The following TAOK1 variants were observed in gnomAD, a reference collection of about 807,000 sequenced individuals.
TAOK1 encodes the protein TAO kinase 1.
In TAOK1, 21 loss-of-function variants were observed where a neutral mutation model predicts 138.3. The observed-to-expected ratio is 0.15, with a 90% CI of 0.11 to 0.22. TAOK1 has a LOEUF of 0.22. Among genes scored for constraint, TAOK1 ranks in the 10% least tolerant of loss-of-function variants. The pLI, the probability that TAOK1 is intolerant of heterozygous loss-of-function variation, is 1.00. For synonymous variants in TAOK1, 361 were observed against 398.4 expected (o/e 0.91, Z 1.12); for missense variants, 651 against 1,227.7 (o/e 0.53, Z 7.02).
chr17:29,510,324 C>T (rs1598514655), intron 14 of TAOK1, among the ~76,000 whole-genome samples: 3 of 152,122 alleles, frequency 2.0e-5, no homozygotes, highest in African/African-American at 7.2e-5. Context: ...TTGCAGTGAG[C>T]CGAGCTCGTG....
At chr17:29,452,352 T>G (rs182316401) in intron 2 of TAOK1, among the ~76,000 whole-genome samples, 1 of 152,336 alleles carries the variant, frequency 6.6e-6, no homozygotes, top group East Asian at 1.9e-4. Context: ...TGCATTGCTA[T>G]AGAGTTAAAT....
In TAOK1 at chr17:29,491,777, A is replaced by C; in HGVS notation, c.750-7A>C. ...ATGTGTTCACTTGATACTTTCCTTTACAATAGGTCTGATTATTTTCGCAAC... is the reference window on the plus strand; with the variant it reads ...ATGTGTTCACTTGATACTTTCCTTTCCAATAGGTCTGATTATTTTCGCAAC... On this transcript the variant is annotated splice_polypyrimidine_tract_variant and splice_region_variant and intron_variant, in intron 9 of 19. Transcript: ENST00000261716. 1 of 1,607,412 alleles carries C rather than the reference A, an allele frequency of 6.2e-7. No individual in the cohort carries two copies. The highest frequency in any genetic ancestry group is 8.5e-7 in the Non-Finnish European group (1 of 1,174,150).
intron 3 of TAOK1, among the ~76,000 whole-genome samples, chr17:29,467,518 C>A (rs772435806): frequency 1.3e-5 from 2 of 152,140 alleles, no homozygotes; most frequent in Non-Finnish European, 2.9e-5. Context: ...GTGATCTGCC[C>A]GCCTTGGCCT....
chr17:29,477,643 T>G lies in TAOK1; in HGVS notation c.307-18T>G. On this transcript the variant is annotated intron_variant, in intron 4 of 19. Coordinates refer to ENST00000261716, the MANE Select transcript of TAOK1 (RefSeq NM_020791.4). ...TTATAATAATATATTTTAATGCTTT[T>G]ATAACTTTTCCATGTAGCTTGTAAT... The G allele has an allele frequency of 7.5e-7, 1 of 1,326,844 alleles. No individual in the cohort carries two copies. Among genetic ancestry groups the G allele is most frequent in the Non-Finnish European group, 9.8e-7 (1 of 1,018,674 alleles). The allele number at this position is 1,326,844 out of a possible 1,614,324, so 82.2% of individuals were successfully genotyped here. A position where few individuals can be genotyped will look rare whatever the true frequency, so the allele number is the denominator to read the frequency against.
At chr17:29,398,529 C>T (rs1406314712) in intron 1 of TAOK1, among the ~76,000 whole-genome samples, 1 of 146,134 alleles carries the variant, frequency 6.8e-6, no homozygotes, top group Non-Finnish European at 1.5e-5. Context: ...TTTCTTTTCT[C>T]TTTTCTTTTC....
At chr17:29,526,819 TAAAAAAAAAAAAA>T (rs71138830) in intron 17 of TAOK1, among the ~76,000 whole-genome samples, 4 of 50,946 alleles carry the variant, frequency 7.9e-5, no homozygotes, top group East Asian at 6.5e-4. Flanking sequence ...TCTCATCTCT[TAAAAAAAAAAAAA>T]AAAAAAAAAA....
chr17:29,433,573 T>C (rs1462138331), intron 1 of TAOK1, among the ~76,000 whole-genome samples: 1 of 151,330 alleles, frequency 6.6e-6, no homozygotes, highest in African/African-American at 2.4e-5. Flanking sequence ...GTTTAAAGGG[T>C]GAGTAAAGCA....
chr17:29,443,383 A>C (rs920604584), intron 1 of TAOK1, among the ~76,000 whole-genome samples: 1 of 152,252 alleles, frequency 6.6e-6, no homozygotes, highest in African/African-American at 2.4e-5. Flanking sequence ...ATGTTTTGCA[A>C]ATTTGGAACA....
intron 19 of TAOK1, among the ~76,000 whole-genome samples, chr17:29,535,553 A>C (rs1023979951): frequency 6.6e-5 from 10 of 152,150 alleles, no homozygotes; most frequent in Non-Finnish European, 1.3e-4. Flanking sequence ...ATGCCTTATT[A>C]AAGTAAAAAA....
chr17:29,525,874 G>A (rs921635580), intron 17 of TAOK1, among the ~76,000 whole-genome samples: 2 of 152,226 alleles, frequency 1.3e-5, no homozygotes, highest in Non-Finnish European at 2.9e-5. Flanking sequence ...GCACGTGCCT[G>A]TAGTCCCAGC....
chr17:29,424,706 T>C (rs1905579342), intron 1 of TAOK1: 1 of 152,198 alleles, frequency 6.6e-6, no homozygotes, highest in Non-Finnish European at 1.5e-5. Context: ...GTTTCTCTTT[T>C]TGCTGTTTAG....
Position 29,498,386 on chromosome 17 carries a change from C to T in TAOK1, c.1068C>T (p.Ser356=). 1 of 1,614,216 alleles carries T rather than the reference C, an allele frequency of 6.2e-7. No homozygotes were observed. The highest frequency in any genetic ancestry group is 8.5e-7 in the Non-Finnish European group (1 of 1,180,032). The change falls in exon 12 of 20, where the codon AGC becomes AGT. Residue 356 remains serine (S), a synonymous_variant. Coordinates refer to ENST00000261716, the MANE Select transcript of TAOK1 (RefSeq NM_020791.4). ...TTGGAAGTAATCAATCCATTCCCAGCATGTCCATCAGTGCCAGCAGCCAAA... is the reference window on the plus strand; with the variant it reads ...TTGGAAGTAATCAATCCATTCCCAGTATGTCCATCAGTGCCAGCAGCCAAA... ...NSVGSNQSIP[S]MSISASSQSS... is the part of the protein sequence containing the mutation.
chr17:29,464,098 G>C (rs932640469), intron 2 of TAOK1, among the ~76,000 whole-genome samples: 28 of 152,166 alleles, frequency 1.8e-4, no homozygotes, highest in Admixed American at 2.6e-4. Context: ...GTAAATTACT[G>C]CTTAGGTCTG....
chr17:29,538,882 CT>C (rs2032267668), intron 19 of TAOK1, among the ~76,000 whole-genome samples: 3 of 151,958 alleles, frequency 2.0e-5, no homozygotes, highest in South Asian at 4.1e-4. Flanking sequence ...TATAAATGAC[CT>C]TTTTTTAATC....
intron 1 of TAOK1, among the ~76,000 whole-genome samples, chr17:29,431,674 T>C (rs955366655): frequency 2.0e-5 from 3 of 151,974 alleles, no homozygotes; most frequent in Non-Finnish European, 2.9e-5. Context: ...AGTTTTGCTC[T>C]TGTCACCCAG....
intron 11 of TAOK1, among the ~76,000 whole-genome samples, chr17:29,497,795 G>A (rs901130894): frequency 1.3e-5 from 2 of 150,504 alleles, no homozygotes; most frequent in African/African-American, 4.9e-5. Flanking sequence ...ACTTATGAAA[G>A]GCTGATTTAA....
chr17:29,435,337 G>A (rs1905993330), intron 1 of TAOK1, among the ~76,000 whole-genome samples: 1 of 152,114 alleles, frequency 6.6e-6, no homozygotes, highest in South Asian at 2.1e-4. Flanking sequence ...TCTCTTTCCA[G>A]TCCTCATTTT....
chr17:29,522,768 G>A (rs1019714785), intron 17 of TAOK1, among the ~76,000 whole-genome samples: 8 of 152,108 alleles, frequency 5.3e-5, no homozygotes, highest in Admixed American at 1.3e-4. Flanking sequence ...TAAGAATCAA[G>A]ATTCTTGTTT....
intron 1 of TAOK1, among the ~76,000 whole-genome samples, chr17:29,451,068 GA>G (rs1344545991): frequency 8.8e-5 from 13 of 148,372 alleles, no homozygotes; most frequent in African/African-American, 2.9e-4. Flanking sequence ...TATCTGAAAA[GA>G]AAAGAAGTTT....
Sources: allele counts gnomAD v4.1 joint callset (sites outside exome capture counted in the v4.1 genomes callset), GRCh38; gene constraint gnomAD v4.1.1; transcripts MANE v1.5; gene names NCBI Gene and HGNC (gene_info 2026-07-23, HGNC 2026-07-21).